The following WNT8B variants were observed in gnomAD, a reference collection of about 807,000 sequenced individuals.
WNT8B encodes protein Wnt-8b.
WNT8B carries 24 observed loss-of-function variants against 36.6 expected under a neutral mutation model. That is an observed-to-expected ratio of 0.66 (90% CI 0.48 to 0.92). The LOEUF (loss-of-function observed/expected upper bound fraction) is 0.92. WNT8B is among the 40% of genes least tolerant of loss of function. The pLI, the probability that WNT8B is intolerant of heterozygous loss-of-function variation, is 0.00. For missense variants in WNT8B, 402 were observed against 470.8 expected, an observed-to-expected ratio of 0.85 and a Z score of 1.35; for synonymous variants, 199 against 189.8, an observed-to-expected ratio of 1.05 and a Z score of -0.40.
intron 2 of WNT8B, 83 bp from the exon 3 acceptor site, chr10:100,479,790 GT>G: frequency 6.6e-7 from 1 of 1,525,928 alleles, no homozygotes; most frequent in Admixed American, 1.9e-5. Flanking sequence ...GGATGGGAGA[GT>G]GAGCAGGAAG....
At chr10:100,472,662 C>A (rs1399672345) in intron 1 of WNT8B, among the ~76,000 whole-genome samples, 2 of 152,160 alleles carry the variant, frequency 1.3e-5, no homozygotes, top group Non-Finnish European at 2.9e-5. Context: ...ACAGCTAACA[C>A]AAGAAGAAGA....
intron 1 of WNT8B, among the ~76,000 whole-genome samples, chr10:100,470,862 C>A (rs1030175854): frequency 7.2e-5 from 11 of 152,208 alleles, no homozygotes; most frequent in Admixed American, 3.9e-4. Context: ...CCTGCCTCAG[C>A]CTCCCAAGTA....
At chr10:100,472,239 T>C (rs1279059456) in intron 1 of WNT8B, among the ~76,000 whole-genome samples, 1 of 151,316 alleles carries the variant, frequency 6.6e-6, no homozygotes, top group African/African-American at 2.4e-5. Context: ...GCCTCCCAAG[T>C]AGCTGGGACT....
chr10:100,469,751 G>A (rs1850953309), intron 1 of WNT8B, among the ~76,000 whole-genome samples: 1 of 152,232 alleles, frequency 6.6e-6, no homozygotes, highest in Non-Finnish European at 1.5e-5. Flanking sequence ...TCGTGCACAT[G>A]TGTTCTACAG....
Position 100,482,755 on chromosome 10 carries a change from T to C in WNT8B, c.995T>C (p.Phe332Ser), listed in dbSNP as rs758826319. Reference protein sequence around the residue: ...EQCRRRVTKYFCSRAERPRGG... With the variant: ...EQCRRRVTKYSCSRAERPRGG... ...TGCCGCCGGAGGGTCACCAAGTACT[T>C]CTGTAGCCGCGCAGAGCGGCCGCGG... The change falls in exon 6 of 6, where the codon TTC (phenylalanine) becomes TCC (serine). Residue 332 changes from phenylalanine (F) to serine (S), a missense_variant. By Grantham distance (155) the Phe-to-Ser change is radical. Around this residue, in one of 3 missense-constraint regions of WNT8B, gnomAD observed 256 missense variants for 278.6 expected, o/e 0.92. Transcript: ENST00000343737. This position sits in a 1 kb window ranked among gnomAD's most constrained non-coding sequence, Gnocchi z 6.6. 1 of 1,598,260 alleles carries C rather than the reference T, an allele frequency of 6.3e-7. No individual in the cohort carries two copies. Among genetic ancestry groups the C allele is most frequent in the South Asian group, 1.1e-5 (1 of 89,840 alleles).
intron 1 of WNT8B, among the ~76,000 whole-genome samples, chr10:100,469,313 T>A (rs897460680): frequency 2.0e-5 from 3 of 152,222 alleles, no homozygotes; most frequent in Admixed American, 1.3e-4. Context: ...CTGGCTTGTG[T>A]TCTATTGCCA....
At chr10:100,466,021 A>G (rs1850904035) in intron 1 of WNT8B, among the ~76,000 whole-genome samples, 1 of 152,114 alleles carries the variant, frequency 6.6e-6, no homozygotes, top group Non-Finnish European at 1.5e-5. Context: ...TACTGAATTC[A>G]TACTGGGGTT....
chr10:100,463,347 G>C (rs1357226026), intron 1 of WNT8B, 111 bp downstream of exon 1: 5 of 1,070,776 alleles, frequency 4.7e-6, no homozygotes, highest in African/African-American at 3.2e-5. Context: ...AGCTCTCCTA[G>C]GAAAAACTGT....
At chr10:100,464,027 G>T (rs767857569) in intron 1 of WNT8B, among the ~76,000 whole-genome samples, 9 of 152,108 alleles carry the variant, frequency 5.9e-5, no homozygotes, top group Non-Finnish European at 1.5e-5. Flanking sequence ...AGGGTGTTCG[G>T]AGTTTCTCTC....
chr10:100,469,066 G>A (rs1850943147), intron 1 of WNT8B, among the ~76,000 whole-genome samples: 1 of 152,132 alleles, frequency 6.6e-6, no homozygotes, highest in Non-Finnish European at 1.5e-5. Flanking sequence ...GATTTACAGG[G>A]CTGAACTCCC....
intron 1 of WNT8B, among the ~76,000 whole-genome samples, chr10:100,476,716 C>G (rs1851042072): frequency 6.6e-6 from 1 of 152,190 alleles, no homozygotes; most frequent in African/African-American, 2.4e-5. Flanking sequence ...AAGTCTTTAG[C>G]CCTGCAGATC....
At chr10:100,477,116 A>G (rs1355233276) in intron 1 of WNT8B, among the ~76,000 whole-genome samples, 1 of 152,038 alleles carries the variant, frequency 6.6e-6, no homozygotes, top group Non-Finnish European at 1.5e-5. Context: ...TTATTATTTC[A>G]CTATTGTTAT....
rs192043682 is a variant in WNT8B, at chr10:100,480,125, G to C, written c.241+113G>C. ...ATTCCTCACCTGCTCTCTTCTCTTA[G>C]GTCATCTCCCTCTCCAGGATCTTCT... On this transcript the variant is annotated intron_variant, in intron 3 of 5. Transcript: ENST00000343737. 2.3e-6 allele frequency: 3 copies of C among 1,283,726 alleles called. No individual in the cohort carries two copies. In the Admixed American group the frequency reaches 8.5e-5, roughly 36 times the overall value. The allele number at this position is 1,283,726 out of a possible 1,614,324, so 79.5% of individuals were successfully genotyped here.
At position 100,480,870 on chromosome 10, in the gene WNT8B, A is replaced by C. The variant is rs919781030; in HGVS notation, c.242-128A>C. 1.1e-5 allele frequency: 12 copies of C among 1,104,762 alleles called. No individual in the cohort carries two copies. In the African/African-American group the frequency reaches 1.9e-4, roughly 18 times the overall value. The allele number at this position is 1,104,762 out of a possible 1,614,324, so 68.4% of individuals were successfully genotyped here. A position where few individuals can be genotyped will look rare whatever the true frequency, so the allele number is the denominator to read the frequency against. On this transcript the variant is annotated intron_variant, in intron 3 of 5. Transcript: ENST00000343737. ...AAATAAAAGTTAAAAAATAATAATA[A>C]AGATGGGGAAATAGGATGGAGCTAG...
At chr10:100,472,507 C>T (rs777662593) in intron 1 of WNT8B, among the ~76,000 whole-genome samples, 1 of 152,024 alleles carries the variant, frequency 6.6e-6, no homozygotes, top group Non-Finnish European at 1.5e-5. Flanking sequence ...TAGTACCCAC[C>T]CCATGGAGTT....
chr10:100,481,202 GAGCTGTATTCTTCTA>G lies in WNT8B; in HGVS notation c.367+81_367+95del, dbSNP rs1851106202. ...TGAAAAGCCTGGTGGGGGTGAAGAA[GAGCTGTATTCTTCTA>G]AATATGAAGAAAATCATGCGGAAGA... On this transcript the variant is annotated intron_variant, in intron 4 of 5. Transcript: ENST00000343737. 13 of 1,558,134 alleles carry G rather than the reference GAGCTGTATTCTTCTA, an allele frequency of 8.3e-6. No individual in the cohort carries two copies. The East Asian group carries it at 1.1e-4, about 14-fold the overall frequency.
chr10:100,463,667 T>C (rs2133647564), intron 1 of WNT8B, among the ~76,000 whole-genome samples: 1 of 152,296 alleles, frequency 6.6e-6, no homozygotes, highest in Admixed American at 6.5e-5. Flanking sequence ...CTTTATTTTT[T>C]TTTTCAGGAT....
Position 100,482,124 on chromosome 10 carries a change from C to A in WNT8B, c.510+70C>A. 2 of 1,598,068 alleles carry A rather than the reference C, an allele frequency of 1.3e-6. No homozygotes were observed. The highest frequency in any genetic ancestry group is 8.5e-7 in the Non-Finnish European group (1 of 1,170,158). ...CACTACCAGCTCCAGGTGCGGACAA[C>A]TCTTCAGTTCATTTAAAAGATTGGC... On this transcript the variant is annotated intron_variant, in intron 5 of 5. Coordinates refer to ENST00000343737, the MANE Select transcript of WNT8B (RefSeq NM_003393.4). This position sits in a 1 kb window ranked among gnomAD's most constrained non-coding sequence, Gnocchi z 6.6.
rs1851123105 is a variant in WNT8B at position 100,482,245 on chromosome 10, CCT to C, written c.511-22_511-21del. On this transcript the variant is annotated intron_variant, in intron 5 of 5. Coordinates refer to ENST00000343737, the MANE Select transcript of WNT8B (RefSeq NM_003393.4). The surrounding 1 kb of genome is among the most constrained non-coding windows in gnomAD (Gnocchi z 6.6). Reference sequence around the variant, plus strand: ...AACTCGCCACGCGCTTAATCCGGGGCCTCTCACTCCTAGCTCTCTCCCCAGGC... The same window carrying C: ...AACTCGCCACGCGCTTAATCCGGGGCCTCACTCCTAGCTCTCTCCCCAGGC... The C allele has an allele frequency of 6.4e-7, 1 of 1,555,802 alleles. No homozygotes were observed. The highest frequency in any genetic ancestry group is 1.4e-5 in the African/African-American group (1 of 73,972).
Sources: allele counts gnomAD v4.1 joint callset (sites outside exome capture counted in the v4.1 genomes callset), GRCh38; gene constraint gnomAD v4.1.1; regional missense constraint gnomAD v4.1.1; non-coding constraint Gnocchi (gnomAD v3.1); transcripts MANE v1.5; gene names NCBI Gene and HGNC (gene_info 2026-07-23, HGNC 2026-07-21).